MTHFS: variants seen among roughly 807,000 people sequenced by gnomAD.
MTHFS encodes the protein 5-formyltetrahydrofolate cyclo-ligase.
MTHFS carries 7 observed loss-of-function variants against 12.7 expected under a neutral mutation model. The observed-to-expected ratio is 0.55, with a 90% CI of 0.31 to 1.03. The LOEUF (loss-of-function observed/expected upper bound fraction) is 1.03, where lower values mean the gene tolerates loss of function less well. Ranked by LOEUF, MTHFS falls within the 50% of genes least tolerant of loss-of-function variation. The pLI is 0.05. For missense variants in MTHFS, 252 were observed against 258.1 expected (o/e 0.98, Z 0.16); for synonymous variants, 100 against 97.1 (o/e 1.03, Z -0.18).
chr15:79,852,365 A>G (rs546311491), intron 2 of MTHFS, among the ~76,000 whole-genome samples: 1 of 152,388 alleles, frequency 6.6e-6, no homozygotes, highest in African/African-American at 2.4e-5. Flanking sequence ...CTGATTATAT[A>G]CAAAAATTGG....
At chr15:79,866,491 G>A (rs1043082341) in intron 2 of MTHFS, among the ~76,000 whole-genome samples, 2 of 152,172 alleles carry the variant, frequency 1.3e-5, no homozygotes, top group African/African-American at 4.8e-5. Context: ...AAAGGGAGCT[G>A]ATGTGGATGC....
intron 2 of MTHFS, among the ~76,000 whole-genome samples, chr15:79,848,879 GC>G (rs1377646881): frequency 3.9e-5 from 6 of 151,998 alleles, no homozygotes; most frequent in Non-Finnish European, 8.8e-5. Flanking sequence ...AGAATTTTAG[GC>G]CAAAGAAACC....
chr15:79,878,861 C>CTTTTTTTTTTTTTTTTT (rs34987412), intron 2 of MTHFS, among the ~76,000 whole-genome samples: 1 of 146,008 alleles, frequency 6.8e-6, no homozygotes, highest in African/African-American at 2.5e-5. Flanking sequence ...AGCTTATTCC[C>CTTTTTTTTTTTTTTTTT]TTTTTTTTTT....
At chr15:79,893,393 C>T (rs1394039111) in intron 1 of MTHFS, among the ~76,000 whole-genome samples, 1 of 151,740 alleles carries the variant, frequency 6.6e-6, no homozygotes, top group Non-Finnish European at 1.5e-5. Context: ...CAAAGCGATA[C>T]TTTGTCTCAA....
At chr15:79,865,157 C>T (rs2033987490) in intron 2 of MTHFS, among the ~76,000 whole-genome samples, 1 of 152,088 alleles carries the variant, frequency 6.6e-6, no homozygotes, top group South Asian at 2.1e-4. Context: ...AAACCTTGAT[C>T]CATAAAGATA....
chr15:79,862,677 T>C (rs1225311808), intron 2 of MTHFS, among the ~76,000 whole-genome samples: 2 of 152,230 alleles, frequency 1.3e-5, no homozygotes, highest in African/African-American at 2.4e-5. Flanking sequence ...TCCATTTCTA[T>C]ATATATGAAG....
chr15:79,881,835 C>A (rs1296508805), intron 2 of MTHFS, among the ~76,000 whole-genome samples: 2 of 152,170 alleles, frequency 1.3e-5, no homozygotes, highest in Non-Finnish European at 2.9e-5. Flanking sequence ...ACTGGGTGAC[C>A]TCGCATTATC....
rs577253101 is a variant in MTHFS at position 79,848,549 on chromosome 15, C to A, written c.380-3107G>T. 5.3e-5 allele frequency among the ~76,000 whole-genome samples: 8 copies of A among 152,096 alleles called. No homozygotes were observed. In the South Asian group the frequency reaches 1.5e-3, roughly 28 times the overall value. On this transcript the variant is annotated intron_variant, in intron 2 of 2. Coordinates refer to ENST00000258874, the MANE Select transcript of MTHFS (RefSeq NM_006441.4). ...AAAAGCAAAGAGACCAAAAGAGAAG[C>A]CAAGAGAATAGTCAGGATTCCCACC...
rs57309663 is a variant in MTHFS, at chr15:79,891,963, CAAAA to C, written c.118-2613_118-2610del. Among the ~76,000 whole-genome samples, 775 of 84,254 alleles carry C rather than the reference CAAAA, an allele frequency of 9.2e-3. 6 individuals are homozygous for C. Among genetic ancestry groups the C allele is most frequent in the African/African-American group, 0.034 (680 of 20,036 alleles). 55.3% of individuals were successfully genotyped at this position (84,254 alleles called of 152,430 possible). A position where few individuals can be genotyped will look rare whatever the true frequency, so the allele number is the denominator to read the frequency against. ...GGGCAACAAGAATGAAACTCCATCT[CAAAA>C]AAAAAAAAAAAAAAAAAAGAGAAAG... is the stretch of plus-strand genomic sequence containing the variant. On this transcript the variant is annotated intron_variant, in intron 1 of 2. Transcript: ENST00000258874.
At chr15:79,850,915 T>C (rs570636273) in intron 2 of MTHFS, among the ~76,000 whole-genome samples, 1 of 152,320 alleles carries the variant, frequency 6.6e-6, no homozygotes, top group Admixed American at 6.5e-5. Context: ...TTATTAATTC[T>C]GGCAGCGAGG....
At chr15:79,886,650 C>A (rs930064484) in intron 2 of MTHFS, among the ~76,000 whole-genome samples, 6 of 151,864 alleles carry the variant, frequency 4.0e-5, no homozygotes, top group Non-Finnish European at 8.8e-5. Context: ...TATTCAGTAT[C>A]TTTTCATTTG....
intron 2 of MTHFS, among the ~76,000 whole-genome samples, chr15:79,881,073 T>C (rs2141369832): frequency 6.6e-6 from 1 of 152,350 alleles, no homozygotes; most frequent in Non-Finnish European, 1.5e-5. Flanking sequence ...TTCACTCCTC[T>C]TAAAAATTCT....
Position 79,845,100 on chromosome 15 carries a change from T to C in MTHFS, c.*110A>G, listed in dbSNP as rs1297945264. The C allele has an allele frequency of 1.5e-6, 2 of 1,369,722 alleles. No individual in the cohort carries two copies. The highest frequency in any genetic ancestry group is 2.4e-5 in the East Asian group (1 of 42,318). 84.8% of individuals were successfully genotyped at this position (1,369,722 alleles called of 1,614,324 possible). A position where few individuals can be genotyped will look rare whatever the true frequency, so the allele number is the denominator to read the frequency against. ...ATAATTACAATTTTAAAATGCAGTC[T>C]GTATTCACATTAATGAACAATTTCA... On this transcript the variant is annotated 3_prime_UTR_variant, in exon 3 of 3. Coordinates refer to ENST00000258874, the MANE Select transcript of MTHFS (RefSeq NM_006441.4).
intron 2 of MTHFS, among the ~76,000 whole-genome samples, chr15:79,864,024 C>T (rs141393643): frequency 2.0e-5 from 3 of 152,330 alleles, no homozygotes; most frequent in South Asian, 4.1e-4. Context: ...AAACAGCATG[C>T]CTTCGGGGAA....
chr15:79,877,693 C>CT (rs2034224171), intron 2 of MTHFS: 1 of 150,960 alleles, frequency 6.6e-6, no homozygotes, highest in Non-Finnish European at 1.5e-5. Flanking sequence ...GAGCGAGACT[C>CT]TATCTCAAAA....
chr15:79,895,730 T>C (rs2034556301), intron 1 of MTHFS, among the ~76,000 whole-genome samples: 1 of 152,360 alleles, frequency 6.6e-6, no homozygotes, highest in Non-Finnish European at 1.5e-5. Flanking sequence ...GAAATGAGCA[T>C]ATATGCTTTA....
At chr15:79,869,189 A>C (rs1566992314) in intron 2 of MTHFS, among the ~76,000 whole-genome samples, 1 of 152,242 alleles carries the variant, frequency 6.6e-6, no homozygotes, top group Non-Finnish European at 1.5e-5. Context: ...AAGAGAAAAC[A>C]ACTCCACAAG....
At chr15:79,852,005 A>G (rs1047088415) in intron 2 of MTHFS, among the ~76,000 whole-genome samples, 6 of 152,226 alleles carry the variant, frequency 3.9e-5, no homozygotes, top group African/African-American at 1.4e-4. Context: ...TGATGTAAAG[A>G]GTCTCTAAGC....
chr15:79,873,555 G>GA (rs150648215), intron 2 of MTHFS, among the ~76,000 whole-genome samples: 46 of 148,932 alleles, frequency 3.1e-4, no homozygotes, highest in African/African-American at 8.8e-4. Context: ...AATCCTCTCT[G>GA]AAAAAAAAAA....
Sources: allele counts gnomAD v4.1 joint callset (sites outside exome capture counted in the v4.1 genomes callset), GRCh38; gene constraint gnomAD v4.1.1; transcripts MANE v1.5; gene names NCBI Gene and HGNC (gene_info 2026-07-23, HGNC 2026-07-21).